Variants in EGFLAM observed in about 807,000 individuals in gnomAD.
EGFLAM encodes EGF like, fibronectin type III and laminin G domains.
Under a neutral mutation model 113.1 loss-of-function variants are expected in EGFLAM, and 79 were observed. The observed-to-expected ratio is 0.70, with a 90% CI of 0.58 to 0.84. The LOEUF is 0.84. Ranked by LOEUF, EGFLAM falls within the 40% of genes least tolerant of loss-of-function variation. The pLI is 0.00. For missense variants in EGFLAM, 1,265 were observed against 1,291.6 expected (o/e 0.98, Z 0.32); for synonymous variants, 504 against 487.6 (o/e 1.03, Z -0.44).
intron 1 of EGFLAM, 39 bp from the exon 2 acceptor site, chr5:38,337,481 T>C: frequency 6.5e-7 from 1 of 1,535,234 alleles, no homozygotes; most frequent in Non-Finnish European, 8.9e-7. Context: ...AGGTGGGATG[T>C]GTGGAGCCTC....
intron 13 of EGFLAM, among the ~76,000 whole-genome samples, chr5:38,426,038 G>A (rs1741996220): frequency 1.3e-5 from 2 of 151,914 alleles, no homozygotes; most frequent in African/African-American, 4.8e-5. Context: ...AGGAGGCGGA[G>A]GTTGCAGTGA....
At chr5:38,359,619 G>A (rs983118122) in intron 5 of EGFLAM, among the ~76,000 whole-genome samples, 2 of 152,170 alleles carry the variant, frequency 1.3e-5, no homozygotes, top group Non-Finnish European at 2.9e-5. Context: ...AGTTTGCAGT[G>A]AACCTAGATC....
intron 5 of EGFLAM, among the ~76,000 whole-genome samples, chr5:38,358,572 T>C (rs1739830024): frequency 6.6e-6 from 1 of 151,938 alleles, no homozygotes; most frequent in South Asian, 2.1e-4. Context: ...ATGTCTTGAG[T>C]CAGGGGCTTA....
intron 5 of EGFLAM, among the ~76,000 whole-genome samples, chr5:38,359,986 G>GCATT: frequency 6.6e-6 from 1 of 152,322 alleles, no homozygotes; most frequent in East Asian, 1.9e-4. Flanking sequence ...TCAAGGTCAT[G>GCATT]CAACCTGGGT....
rs115740293 is a variant in EGFLAM, at chr5:38,433,321, C to T, written c.2167-1816C>T. On this transcript the variant is annotated intron_variant, in intron 15 of 21. Transcript: ENST00000322350. ...AACAGCAGAAGCCTGGGCTTGAGTC[C>T]GACTATGCAAGACACGTGGAAGAGC... is the stretch of plus-strand genomic sequence containing the variant. Among the ~76,000 whole-genome samples, 714 of 152,258 alleles carry T rather than the reference C, an allele frequency of 4.7e-3. 8 individuals are homozygous for T. The highest frequency in any genetic ancestry group is 0.016 in the African/African-American group (676 of 41,554).
intron 1 of EGFLAM, among the ~76,000 whole-genome samples, chr5:38,302,236 CAA>C (rs35820077): frequency 0.013 from 1,347 of 100,700 alleles, 22 homozygotes; most frequent in African/African-American, 0.042. Context: ...AAGTCCATCT[CAA>C]AAAAAAAAAA....
intron 9 of EGFLAM, 81 bp downstream of exon 9, chr5:38,407,986 G>C (rs1167087262): frequency 6.9e-6 from 8 of 1,155,000 alleles, no homozygotes; most frequent in Non-Finnish European, 1.0e-5. Flanking sequence ...CTGGGGGAGA[G>C]GAAGCGGGGC....
intron 1 of EGFLAM, among the ~76,000 whole-genome samples, chr5:38,307,905 A>T (rs1458937793): frequency 1.3e-5 from 2 of 152,202 alleles, no homozygotes; most frequent in Non-Finnish European, 2.9e-5. Context: ...AGGGGTGGGC[A>T]TGGCTTTCTT....
At chr5:38,278,429 A>T (rs1579717397) in intron 1 of EGFLAM, among the ~76,000 whole-genome samples, 1 of 152,294 alleles carries the variant, frequency 6.6e-6, no homozygotes, top group East Asian at 1.9e-4. Flanking sequence ...AAGACCCAAA[A>T]CTATTAAATT....
At chr5:38,355,374 G>C (rs951778345) in intron 5 of EGFLAM, among the ~76,000 whole-genome samples, 1 of 152,180 alleles carries the variant, frequency 6.6e-6, no homozygotes, top group Non-Finnish European at 1.5e-5. Context: ...GAGGTGAGAA[G>C]TGACAGGAGC....
intron 1 of EGFLAM, among the ~76,000 whole-genome samples, chr5:38,299,518 C>T (rs192904410): frequency 1.1e-4 from 16 of 152,192 alleles, no homozygotes; most frequent in African/African-American, 2.4e-4. Context: ...GTCATGGGGG[C>T]GGATCCCTCT....
At chr5:38,383,756 G>A (rs1740580787) in intron 6 of EGFLAM, among the ~76,000 whole-genome samples, 1 of 151,976 alleles carries the variant, frequency 6.6e-6, no homozygotes, top group Non-Finnish European at 1.5e-5. Flanking sequence ...GAGGATGGTG[G>A]GAGCTGCTGC....
chr5:38,277,983 C>T (rs1404738776), intron 1 of EGFLAM, among the ~76,000 whole-genome samples: 1 of 151,990 alleles, frequency 6.6e-6, no homozygotes, highest in Non-Finnish European at 1.5e-5. Flanking sequence ...TCTACAGATT[C>T]ATTGCAATCC....
chr5:38,376,883 C>T (rs1211544003), intron 6 of EGFLAM, among the ~76,000 whole-genome samples: 1 of 152,126 alleles, frequency 6.6e-6, no homozygotes, highest in Non-Finnish European at 1.5e-5. Flanking sequence ...GTTGCCCAGG[C>T]TGGTCTCGAA....
At chr5:38,281,936 T>A (rs960703837) in intron 1 of EGFLAM, among the ~76,000 whole-genome samples, 1 of 152,166 alleles carries the variant, frequency 6.6e-6, no homozygotes, top group Admixed American at 6.5e-5. Context: ...TGGACACAAA[T>A]GAAATAAAGG....
chr5:38,320,187 C>T (rs970287194), intron 1 of EGFLAM, among the ~76,000 whole-genome samples: 4 of 152,234 alleles, frequency 2.6e-5, no homozygotes, highest in African/African-American at 9.6e-5. Context: ...ACACAAGACA[C>T]TAGCTTCTCT....
At chr5:38,443,754 G>A (rs1035610253) in intron 17 of EGFLAM, among the ~76,000 whole-genome samples, 1 of 150,790 alleles carries the variant, frequency 6.6e-6, no homozygotes, top group Non-Finnish European at 1.5e-5. Flanking sequence ...GAAAGAAACC[G>A]TGGTCCCTTC....
intron 12 of EGFLAM, among the ~76,000 whole-genome samples, chr5:38,420,052 A>T (rs1741776952): frequency 6.6e-6 from 1 of 152,108 alleles, no homozygotes; most frequent in Non-Finnish European, 1.5e-5. Context: ...AAACAAAACA[A>T]AACAAAACAA....
chr5:38,267,770 T>G (rs1185061909), intron 1 of EGFLAM, among the ~76,000 whole-genome samples: 2 of 152,216 alleles, frequency 1.3e-5, no homozygotes, highest in African/African-American at 2.4e-5. Flanking sequence ...GAATCCAGAC[T>G]GATTAGTGAT....
Sources: gnomAD v4.1 joint callset for allele counts (sites outside exome capture counted in the v4.1 genomes callset) on GRCh38, gnomAD v4.1.1 for gene constraint, MANE v1.5 for transcripts, NCBI Gene and HGNC (gene_info 2026-07-23, HGNC 2026-07-21) for gene names.